Variants in BBS5 observed in about 807,000 individuals in gnomAD.
BBS5 encodes the protein BBSome complex member BBS5.
A neutral mutation model predicts 50.2 loss-of-function variants in BBS5; 39 were observed. That is an observed-to-expected ratio of 0.78 (90% CI 0.60 to 1.01). BBS5 has a LOEUF of 1.01. BBS5 is among the 50% of genes least tolerant of loss of function. The pLI is 0.00. For synonymous variants in BBS5, 134 were observed against 133.1 expected (o/e 1.01, Z -0.05); for missense variants, 356 against 401.5 (o/e 0.89, Z 0.97).
intron 1 of BBS5, among the ~76,000 whole-genome samples, chr2:169,481,085 A>G (rs1683384217): frequency 6.6e-6 from 1 of 152,208 alleles, no homozygotes; most frequent in Non-Finnish European, 1.5e-5. Flanking sequence ...CTGGGCCGAT[A>G]GCTAGAGACA....
chr2:169,505,478 C>G lies in BBS5; in HGVS notation c.*896C>G. On this transcript the variant is annotated 3_prime_UTR_variant, in exon 12 of 12. Transcript: ENST00000295240. ...CCAGTCTGGAAAGTGAGGAGCGTCT[C>G]TGCCCGGCCGCCATCCCATCTAGGA... 3.2e-6 allele frequency: 1 copy of G among 314,746 alleles called. No homozygotes were observed. The highest frequency in any genetic ancestry group is 4.4e-5 in the Admixed American group (1 of 22,716). 19.5% of individuals were successfully genotyped at this position (314,746 alleles called of 1,614,324 possible).
intron 7 of BBS5, among the ~76,000 whole-genome samples, chr2:169,495,999 C>T (rs1457472300): frequency 1.3e-5 from 2 of 152,168 alleles, no homozygotes; most frequent in Non-Finnish European, 2.9e-5. Flanking sequence ...TGTAAAGTAG[C>T]CCAGATGAAA....
Position 169,504,911 on chromosome 2 carries a change from G to T in BBS5, c.*329G>T, listed in dbSNP as rs1408915576. 2.5e-6 allele frequency: 4 copies of T among 1,613,730 alleles called. No individual in the cohort carries two copies. The East Asian group carries it at 6.7e-5, about 27-fold the overall frequency. On this transcript the variant is annotated 3_prime_UTR_variant, in exon 12 of 12. Transcript: ENST00000295240. Reference sequence around the variant, plus strand: ...GCTGCAAATTCGCCCAGCCAATGGGGACGTTGCGGCCCAGTGGGTGGAGGT... The same window carrying T: ...GCTGCAAATTCGCCCAGCCAATGGGTACGTTGCGGCCCAGTGGGTGGAGGT...
Position 169,506,190 on chromosome 2 carries a change from C to A in BBS5, c.*1608C>A, listed in dbSNP as rs1357769245. On this transcript the variant is annotated 3_prime_UTR_variant, in exon 12 of 12. Coordinates refer to ENST00000295240, the MANE Select transcript of BBS5 (RefSeq NM_152384.3). ...CCGGGAGGGAGGTGGGGGGGTCAGC[C>A]CCCCGCCCGGCCAGCCGCCCCGTCC... 2.0e-5 allele frequency: 3 copies of A among 153,626 alleles called. No homozygotes were observed. Among genetic ancestry groups the A allele is most frequent in the Non-Finnish European group, 4.3e-5 (3 of 70,328 alleles). 9.5% of individuals were successfully genotyped at this position (153,626 alleles called of 1,614,324 possible).
intron 5 of BBS5, among the ~76,000 whole-genome samples, chr2:169,489,755 G>T (rs1683557337): frequency 1.4e-5 from 2 of 147,206 alleles, no homozygotes; most frequent in Admixed American, 1.3e-4. Flanking sequence ...ATAGGTATGT[G>T]TATATATGTG....
intron 1 of BBS5, among the ~76,000 whole-genome samples, chr2:169,480,254 C>T (rs2105290497): frequency 6.6e-6 from 1 of 152,254 alleles, no homozygotes. Context: ...AAATAGAAAC[C>T]ATGTTTTTGG....
At chr2:169,480,965 A>G (rs917662422) in intron 1 of BBS5, among the ~76,000 whole-genome samples, 3 of 152,164 alleles carry the variant, frequency 2.0e-5, no homozygotes, top group African/African-American at 7.2e-5. Context: ...GGCGTGAGCC[A>G]CTGCGCCCGG....
rs370849006 is a variant in BBS5, at chr2:169,482,301, T to C, written c.110T>C (p.Ile37Thr). 3.4e-5 allele frequency: 54 copies of C among 1,608,056 alleles called. No individual in the cohort carries two copies. The highest frequency in any genetic ancestry group is 2.2e-4 in the East Asian group (10 of 44,814). ...GTCCTTATTGATTGTTTAGATTCCA[T>C]TGAAGACACCAAAGGAAATAATGGA... Reference protein sequence around the residue: ...GEVLIDCLDSIEDTKGNNGDR... With the variant: ...GEVLIDCLDSTEDTKGNNGDR... Residue 37 changes from isoleucine to threonine, a missense_variant, in exon 2 of 12, where the codon ATT becomes ACT. Transcript: ENST00000295240.
intron 5 of BBS5, 109 bp downstream of exon 5, chr2:169,488,223 GT>G: frequency 9.5e-7 from 1 of 1,050,062 alleles, no homozygotes; most frequent in Non-Finnish European, 1.4e-6. Context: ...ATGGAAGACA[GT>G]TTTTCCACGA....
chr2:169,491,861 A>G (rs1683608276), intron 5 of BBS5, among the ~76,000 whole-genome samples: 1 of 152,138 alleles, frequency 6.6e-6, no homozygotes, highest in Admixed American at 6.5e-5. Context: ...CAGTGGCGCA[A>G]TCTCAGCTCA....
At chr2:169,490,276 C>G (rs1678339235) in intron 5 of BBS5, among the ~76,000 whole-genome samples, 1 of 144,970 alleles carries the variant, frequency 6.9e-6, no homozygotes, top group African/African-American at 2.6e-5. Flanking sequence ...TCACTGCAAG[C>G]TCCGCCTCCC....
At chr2:169,482,359 A>AT (rs1435831943) in intron 2 of BBS5, 26 bp downstream of exon 2, 4 of 1,366,694 alleles carry the variant, frequency 2.9e-6, no homozygotes, top group Non-Finnish European at 4.2e-6. Flanking sequence ...AATGTATCTT[A>AT]TATTCCTGGT....
chr2:169,483,794 A>G (rs1683442699), intron 2 of BBS5, among the ~76,000 whole-genome samples: 1 of 152,174 alleles, frequency 6.6e-6, no homozygotes, highest in South Asian at 2.1e-4. Flanking sequence ...CCTGGTGTAC[A>G]TCAAGCTCAG....
At chr2:169,484,738 A>G (rs1454649344) in intron 2 of BBS5, among the ~76,000 whole-genome samples, 2 of 152,246 alleles carry the variant, frequency 1.3e-5, no homozygotes, top group African/African-American at 4.8e-5. Context: ...GTAAAATGGC[A>G]TAAGGAAAAT....
chr2:169,503,096 C>T lies in BBS5; in HGVS notation c.818C>T (p.Pro273Leu), dbSNP rs747258419. ...ATTTTAACATCTGCTGATTTTCAGC[C>T]CCAGCCGCTCGAAGCTCTGACAGTC... ...FGVDYEMEEKPQPLEALTVEQ... is the reference protein window; with the variant it reads ...FGVDYEMEEKLQPLEALTVEQ... The change falls in exon 10 of 12, where the codon CCC becomes CTC. Residue 273 changes from proline (P) to leucine (L), a missense_variant and splice_region_variant. Pro to Leu is a moderately conservative substitution (Grantham distance 98). Coordinates refer to ENST00000295240, the MANE Select transcript of BBS5 (RefSeq NM_152384.3). 6.2e-7 allele frequency: 1 copy of T among 1,612,524 alleles called. No individual in the cohort carries two copies. Among genetic ancestry groups the T allele is most frequent in the Admixed American group, 1.7e-5 (1 of 59,964 alleles).
At chr2:169,495,984 T>C (rs929963632) in intron 7 of BBS5, among the ~76,000 whole-genome samples, 2 of 152,216 alleles carry the variant, frequency 1.3e-5, no homozygotes, top group Non-Finnish European at 2.9e-5. Context: ...ATACTCTTGA[T>C]GGGGTGTAAA....
rs745987512 is a variant in BBS5, at chr2:169,488,110, C to T, written c.382C>T (p.His128Tyr). 1 of 1,612,938 alleles carries T rather than the reference C, an allele frequency of 6.2e-7. No individual in the cohort carries two copies. The highest frequency in any genetic ancestry group is 2.2e-5 in the East Asian group (1 of 44,812). ...PRLFTSVMAV[H>Y]RAYETSKMYR... ...ACTTTTTACTTCTGTGATGGCAGTA[C>T]ACAGGTATAGTAATACTTTATGGAT... Residue 128 changes from histidine (H) to tyrosine (Y), a missense_variant, in exon 5 of 12, where the codon CAC (histidine) becomes TAC (tyrosine). His to Tyr is a moderately conservative substitution (Grantham distance 83). Transcript: ENST00000295240.
chr2:169,489,851 CTTTTTTTTTTTTTTTTTTTTTTTTTTT>C (rs71003093), intron 5 of BBS5, among the ~76,000 whole-genome samples: 5 of 65,888 alleles, frequency 7.6e-5, no homozygotes, highest in African/African-American at 2.5e-4. Context: ...CATAAATTTC[CTTTTTTTTTTTTTTTTTTTTTTTTTTT>C]TTTTTTTTTT....
rs1420464797 is a variant in BBS5, at chr2:169,479,647, C to G, written c.59+35C>G. Reference sequence around the variant, plus strand: ...CAAGATTCCCGAGGGATCTTCAACCCTGTAGAGGGCGCCGCCGTGCGCGTT... The same window carrying G: ...CAAGATTCCCGAGGGATCTTCAACCGTGTAGAGGGCGCCGCCGTGCGCGTT... On this transcript the variant is annotated intron_variant, in intron 1 of 11. Transcript: ENST00000295240. The G allele has an allele frequency of 2.5e-6, 4 of 1,612,270 alleles. No homozygotes were observed. The South Asian group carries it at 4.4e-5, about 18-fold the overall frequency.
Sources: gnomAD v4.1 joint callset for allele counts (sites outside exome capture counted in the v4.1 genomes callset) on GRCh38, gnomAD v4.1.1 for gene constraint, MANE v1.5 for transcripts, NCBI Gene and HGNC (gene_info 2026-07-23, HGNC 2026-07-21) for gene names.